The following STAC variants were observed in gnomAD, a reference collection of about 807,000 sequenced individuals.
The protein encoded by STAC is SH3 and cysteine-rich domain-containing protein.
In STAC, 43 loss-of-function variants were observed where a neutral mutation model predicts 48.8. The ratio of observed to expected loss-of-function variants is 0.88; its 90% confidence interval spans 0.69 to 1.14. The LOEUF (loss-of-function observed/expected upper bound fraction) is 1.14. STAC is among the 50% of genes most tolerant of loss of function. The pLI is 0.00. For missense variants in STAC, 497 were observed against 504.0 expected, an observed-to-expected ratio of 0.99 and a Z score of 0.13; for synonymous variants, 193 against 179.5, an observed-to-expected ratio of 1.07 and a Z score of -0.60.
At position 36,546,385 on chromosome 3, in the gene STAC, C is replaced by A; in HGVS notation, c.*96C>A. 1.0e-6 allele frequency: 1 copy of A among 999,116 alleles called. No individual in the cohort carries two copies. Among genetic ancestry groups the A allele is most frequent in the Non-Finnish European group, 1.6e-6 (1 of 637,344 alleles). 61.9% of individuals were successfully genotyped at this position (999,116 alleles called of 1,614,324 possible). A position where few individuals can be genotyped will look rare whatever the true frequency, so the allele number is the denominator to read the frequency against. On this transcript the variant is annotated 3_prime_UTR_variant, in exon 11 of 11. Coordinates refer to ENST00000273183, the MANE Select transcript of STAC (RefSeq NM_003149.3). The stretch of plus-strand genomic sequence containing the variant: ...CAACCCAAAGGAGCTGCCGCACTGA[C>A]CCAGCCCCCCAGGAAACAGTGAGAC...
chr3:36,489,668 C>G (rs1218319770), intron 5 of STAC, among the ~76,000 whole-genome samples: 1 of 152,198 alleles, frequency 6.6e-6, no homozygotes, highest in East Asian at 1.9e-4. Context: ...GTTTTCATTA[C>G]TTTATACCAG....
At chr3:36,394,002 G>A (rs1230246633) in intron 1 of STAC, among the ~76,000 whole-genome samples, 1 of 152,008 alleles carries the variant, frequency 6.6e-6, no homozygotes, top group East Asian at 1.9e-4. Flanking sequence ...TCTGAGCAAA[G>A]CCTCAGAGGT....
intron 1 of STAC, among the ~76,000 whole-genome samples, chr3:36,398,376 G>GAAAAGAA (rs375266534): frequency 1.5e-5 from 2 of 135,818 alleles, no homozygotes; most frequent in East Asian, 4.5e-4. Context: ...AGAAAAGAAA[G>GAAAAGAA]AGAGAAAGAA....
At chr3:36,524,247 G>T (rs544358972) in intron 8 of STAC, among the ~76,000 whole-genome samples, 8 of 152,068 alleles carry the variant, frequency 5.3e-5, no homozygotes, top group Non-Finnish European at 1.2e-4. Flanking sequence ...AAGGGGAACT[G>T]ACCAGCCTCC....
At chr3:36,426,909 G>C (rs915787040) in intron 1 of STAC, among the ~76,000 whole-genome samples, 3 of 152,050 alleles carry the variant, frequency 2.0e-5, no homozygotes, top group African/African-American at 7.2e-5. Context: ...TTGGTCATAA[G>C]GGTCTCATTT....
At chr3:36,453,351 G>A (rs1696744018) in intron 2 of STAC, among the ~76,000 whole-genome samples, 1 of 152,214 alleles carries the variant, frequency 6.6e-6, no homozygotes, top group Non-Finnish European at 1.5e-5. Flanking sequence ...GGAGGGAGAG[G>A]CGTGGGCGGG....
intron 1 of STAC, among the ~76,000 whole-genome samples, chr3:36,438,167 C>T (rs532423041): frequency 6.6e-6 from 1 of 152,106 alleles, no homozygotes; most frequent in Non-Finnish European, 1.5e-5. Flanking sequence ...GAACTCCCAA[C>T]CTCAGGTGAT....
In STAC at chr3:36,504,438, C is replaced by T. The variant is rs186666393; in HGVS notation, c.812C>T (p.Ala271Val). Residue 271 changes from alanine (A) to valine (V), a missense_variant, in exon 7 of 11, where the codon GCG becomes GTG. Transcript: ENST00000273183. ...ENGTDDFRDP[A>V]KNINHQGSLS... is the part of the protein sequence containing the mutation. ...GGCACTGATGATTTCAGAGATCCAG[C>T]GAAGAACATAAACCACCAGGTATTT... 3.2e-5 allele frequency: 52 copies of T among 1,613,372 alleles called. No individual in the cohort carries two copies. The East Asian group carries it at 4.2e-4, about 13-fold the overall frequency.
chr3:36,493,379 T>C, intron 6 of STAC, 150 bp downstream of exon 6: 2 of 666,112 alleles, frequency 3.0e-6, no homozygotes, highest in Non-Finnish European at 5.0e-6. Context: ...AATGTGAGCA[T>C]TGTTTCTGGT....
intron 2 of STAC, among the ~76,000 whole-genome samples, chr3:36,458,036 G>C (rs1261644503): frequency 1.3e-5 from 2 of 152,158 alleles, no homozygotes; most frequent in African/African-American, 4.8e-5. Flanking sequence ...GCTAAGACAG[G>C]GTTGGAAAAG....
At chr3:36,518,832 T>C (rs1327343746) in intron 8 of STAC, among the ~76,000 whole-genome samples, 1 of 152,196 alleles carries the variant, frequency 6.6e-6, no homozygotes, top group Non-Finnish European at 1.5e-5. Flanking sequence ...TATTCACCTC[T>C]CATCGCATGA....
intron 1 of STAC, among the ~76,000 whole-genome samples, chr3:36,407,440 A>AT (rs1444807256): frequency 2.0e-5 from 3 of 152,340 alleles, no homozygotes; most frequent in Admixed American, 1.3e-4. Flanking sequence ...GAGAAGTGCC[A>AT]AAATTTAAGG....
At chr3:36,435,620 T>G (rs946355662) in intron 1 of STAC, among the ~76,000 whole-genome samples, 1 of 152,150 alleles carries the variant, frequency 6.6e-6, no homozygotes, top group Non-Finnish European at 1.5e-5. Flanking sequence ...ACTGTCCATG[T>G]TCATTACCTC....
At chr3:36,423,051 T>A (rs1700483027) in intron 1 of STAC, among the ~76,000 whole-genome samples, 1 of 152,140 alleles carries the variant, frequency 6.6e-6, no homozygotes, top group Non-Finnish European at 1.5e-5. Flanking sequence ...TCCTTTTGGT[T>A]ATCTGAAGAC....
intron 1 of STAC, among the ~76,000 whole-genome samples, chr3:36,430,435 T>C (rs1700673216): frequency 2.0e-5 from 3 of 152,182 alleles, no homozygotes. Flanking sequence ...CAGGAACATA[T>C]CTGAGAGAAG....
intron 1 of STAC, among the ~76,000 whole-genome samples, chr3:36,410,274 G>A (rs1272508321): frequency 1.3e-5 from 2 of 152,122 alleles, no homozygotes; most frequent in South Asian, 2.1e-4. Flanking sequence ...ATCAGTGCAC[G>A]AGTGTTAAGT....
In STAC at chr3:36,546,404, G is replaced by C. The variant is rs964759904; in HGVS notation, c.*115G>C. On this transcript the variant is annotated 3_prime_UTR_variant, in exon 11 of 11. Coordinates refer to ENST00000273183, the MANE Select transcript of STAC (RefSeq NM_003149.3). ...CACTGACCCAGCCCCCCAGGAAACA[G>C]TGAGACAAGAATCAAGTATCTGAGA... The C allele has an allele frequency of 2.3e-6, 2 of 856,890 alleles. No individual in the cohort carries two copies. The highest frequency in any genetic ancestry group is 3.8e-6 in the Non-Finnish European group (2 of 523,074). 53.1% of individuals were successfully genotyped at this position (856,890 alleles called of 1,614,324 possible). A position where few individuals can be genotyped will look rare whatever the true frequency, so the allele number is the denominator to read the frequency against.
At chr3:36,434,702 A>G (rs1371796890) in intron 1 of STAC, among the ~76,000 whole-genome samples, 1 of 152,212 alleles carries the variant, frequency 6.6e-6, no homozygotes, top group Non-Finnish European at 1.5e-5. Context: ...CCTGGCAGAA[A>G]TGATCAGGGG....
At chr3:36,412,721 AC>A (rs1470557407) in intron 1 of STAC, among the ~76,000 whole-genome samples, 8 of 152,146 alleles carry the variant, frequency 5.3e-5, no homozygotes, top group African/African-American at 1.9e-4. Context: ...ACACTCACTC[AC>A]CTGTTTCAGG....
Sources: allele counts gnomAD v4.1 joint callset (sites outside exome capture counted in the v4.1 genomes callset), GRCh38; gene constraint gnomAD v4.1.1; transcripts MANE v1.5; gene names NCBI Gene and HGNC (gene_info 2026-07-23, HGNC 2026-07-21).